Variants in ZNF343 observed in about 807,000 individuals in gnomAD.
The protein encoded by ZNF343 is zinc finger protein 343.
In ZNF343, 11 loss-of-function variants were observed where a neutral mutation model predicts 13.8. That is an observed-to-expected ratio of 0.80 (90% CI 0.50 to 1.32). The LOEUF is 1.32. Among genes scored for constraint, ZNF343 ranks in the 40% most tolerant of loss-of-function variants. The pLI is 0.00. For synonymous variants in ZNF343, 248 were observed against 260.0 expected, an observed-to-expected ratio of 0.95 and a Z score of 0.44; for missense variants, 658 against 714.2, an observed-to-expected ratio of 0.92 and a Z score of 0.90.
chr20:2,522,230 A>T (rs1274962985), intron 1 of ZNF343, among the ~76,000 whole-genome samples: 1 of 152,214 alleles, frequency 6.6e-6, no homozygotes, highest in African/African-American at 2.4e-5. Context: ...AATTCCACAT[A>T]ACAAGTTAGG....
chr20:2,491,141 T>A (rs964066249), intron 5 of ZNF343, among the ~76,000 whole-genome samples: 1 of 152,182 alleles, frequency 6.6e-6, no homozygotes, highest in Non-Finnish European at 1.5e-5. Flanking sequence ...TCTAGAAACA[T>A]AGGAATATCT....
At chr20:2,515,225 T>G (rs6114726) in intron 1 of ZNF343, among the ~76,000 whole-genome samples, 76,109 of 151,978 alleles carry the variant, frequency 0.5, 20,284 homozygotes, top group African/African-American at 0.69. Context: ...AACCAGGTGA[T>G]AAAGACACCT....
chr20:2,494,074 C>T (rs2085418050), intron 2 of ZNF343, 30 bp from the exon 3 acceptor site: 3 of 598,766 alleles, frequency 5.0e-6, no homozygotes, highest in Non-Finnish European at 8.9e-6. Context: ...TTTGCTATTG[C>T]TGGGGCTTTT....
Position 2,483,102 on chromosome 20 carries a change from G to C in ZNF343, c.*59C>G. On this transcript the variant is annotated 3_prime_UTR_variant, in exon 6 of 6. Transcript: ENST00000278772. ...CCCATGTGTCTCTCTGGGGTAACAT[G>C]AGGCTTGACTGGTCACTCAGGTCTT... 1 of 1,539,212 alleles carries C rather than the reference G, an allele frequency of 6.5e-7. No homozygotes were observed. The highest frequency in any genetic ancestry group is 8.8e-7 in the Non-Finnish European group (1 of 1,142,184).
At chr20:2,501,580 A>C (rs1203979434) in intron 1 of ZNF343, among the ~76,000 whole-genome samples, 3 of 152,190 alleles carry the variant, frequency 2.0e-5, no homozygotes, top group African/African-American at 7.2e-5. Context: ...GCAGACTGAC[A>C]CCTCACATGG....
Position 2,508,384 on chromosome 20 carries a change from C to CA in ZNF343, c.-237+496dup, listed in dbSNP as rs1037832645. On this transcript the variant is annotated intron_variant, in intron 1 of 5. Transcript: ENST00000278772. This position sits in a 1 kb window ranked among gnomAD's most constrained non-coding sequence, Gnocchi z 4.5. ...CACTCGGGACATATCCAGCCCCACC[C>CA]AAAAAACAGAAAAACTCGGTGATGC... Among the ~76,000 whole-genome samples the CA allele has an allele frequency of 4.6e-5, 7 of 152,054 alleles. No homozygotes were observed. Among genetic ancestry groups the CA allele is most frequent in the Admixed American group, 3.3e-4 (5 of 15,274 alleles).
intron 1 of ZNF343, among the ~76,000 whole-genome samples, chr20:2,521,938 C>T (rs2085784365): frequency 6.6e-6 from 1 of 152,206 alleles, no homozygotes; most frequent in Non-Finnish European, 1.5e-5. Flanking sequence ...GAATGCGTTT[C>T]TCAGCTTCTT....
upstream of ZNF343, among the ~76,000 whole-genome samples, chr20:2,510,160 C>G (rs909337303): frequency 1.8e-4 from 27 of 151,646 alleles, no homozygotes; most frequent in Non-Finnish European, 1.0e-4. Context: ...GATGGCTACT[C>G]CAATTACCAG....
At position 2,520,478 on chromosome 20, in the gene ZNF343, A is replaced by G. The variant is rs530977742; in HGVS notation, c.-347+3977T>C. On this transcript the variant is annotated intron_variant, in intron 1 of 6. Coordinates refer to the ZNF343 transcript ENST00000358413. ...CAAGACCCCGTCTCTATTAAAAAGA[A>G]ATAATTTTTTAAATTAAAATATGTG... is the stretch of plus-strand genomic sequence containing the variant. Among the ~76,000 whole-genome samples, 5 of 152,326 alleles carry G rather than the reference A, an allele frequency of 3.3e-5. No individual in the cohort carries two copies. The South Asian group carries it at 1.0e-3, about 32-fold the overall frequency.
Position 2,504,826 on chromosome 20 carries a change from C to A in ZNF343, c.-237+4055G>T, listed in dbSNP as rs542150529. Reference sequence around the variant, plus strand: ...TCAAAATAATAAGAGCTATCAATGACAAACCCACAGCCAATATCATACTGA... The same window carrying A: ...TCAAAATAATAAGAGCTATCAATGAAAAACCCACAGCCAATATCATACTGA... On this transcript the variant is annotated intron_variant, in intron 1 of 5. Coordinates refer to ENST00000278772, the MANE Select transcript of ZNF343 (RefSeq NM_024325.6). Among the ~76,000 whole-genome samples the A allele has an allele frequency of 5.9e-5, 9 of 152,270 alleles. No individual in the cohort carries two copies. In the East Asian group the frequency reaches 1.7e-3, roughly 29 times the overall value.
At position 2,518,282 on chromosome 20, in the gene ZNF343, G is replaced by A. The variant is rs1433720903; in HGVS notation, c.-347+6173C>T. Among the ~76,000 whole-genome samples the A allele has an allele frequency of 6.6e-6, 1 of 152,172 alleles. No homozygotes were observed. Among genetic ancestry groups the A allele is most frequent in the Non-Finnish European group, 1.5e-5 (1 of 68,034 alleles). On this transcript the variant is annotated intron_variant, in intron 1 of 6. Transcript: ENST00000358413. The surrounding 1 kb of genome is among the most constrained non-coding windows in gnomAD (Gnocchi z 4.6). ...TTTGCCGACCTTGGCCTCCCAGAGT[G>A]TTAGAATTACAGGCGTGAGCCACCG... is the stretch of plus-strand genomic sequence containing the variant.
At chr20:2,494,066 T>C (rs1053428909) in intron 2 of ZNF343, 22 bp from the exon 3 acceptor site, 2 of 607,746 alleles carry the variant, frequency 3.3e-6, no homozygotes, top group South Asian at 1.9e-5. Flanking sequence ...AGAAGCAATT[T>C]GCTATTGCTG....
chr20:2,507,290 G>C (rs2085678501), intron 1 of ZNF343, among the ~76,000 whole-genome samples: 1 of 149,712 alleles, frequency 6.7e-6, no homozygotes, highest in Middle Eastern at 3.2e-3. Context: ...AAAAAGAGCA[G>C]GCCTCCTTTT....
upstream of ZNF343, among the ~76,000 whole-genome samples, chr20:2,512,558 T>TG (rs1460672430): frequency 1.3e-5 from 2 of 152,130 alleles, no homozygotes; most frequent in Non-Finnish European, 2.9e-5. Context: ...GACCATTTAA[T>TG]GGGGAAAGAA....
At position 2,518,624 on chromosome 20, in the gene ZNF343, C is replaced by A. The variant is rs559108783; in HGVS notation, c.-347+5831G>T. 1.3e-5 allele frequency among the ~76,000 whole-genome samples: 2 copies of A among 152,288 alleles called. No individual in the cohort carries two copies. Among genetic ancestry groups the A allele is most frequent in the African/African-American group, 4.8e-5 (2 of 41,538 alleles). The stretch of plus-strand genomic sequence containing the variant: ...TACAACCCTCCCTTACAGACACTAC[C>A]TTCCAACATACCACATGCTCTCAGC... On this transcript the variant is annotated intron_variant, in intron 1 of 6. Coordinates refer to the ZNF343 transcript ENST00000358413. The surrounding 1 kb of genome is among the most constrained non-coding windows in gnomAD (Gnocchi z 4.6).
At chr20:2,492,913 G>T in intron 4 of ZNF343, 88 bp from the exon 5 acceptor site, 1 of 1,559,232 alleles carries the variant, frequency 6.4e-7, no homozygotes, top group Non-Finnish European at 8.7e-7. Flanking sequence ...GGAGAGCCTG[G>T]ATATGCAAGT....
chr20:2,523,473 A>G (rs1056254614), intron 1 of ZNF343, among the ~76,000 whole-genome samples: 3 of 146,932 alleles, frequency 2.0e-5, no homozygotes, highest in Non-Finnish European at 3.0e-5. Flanking sequence ...TTTTTTTTAC[A>G]TTCAGAATTT....
rs771433942 is a variant in ZNF343 at position 2,493,732 on chromosome 20, G to C, written c.118+46C>G. 2.0e-6 allele frequency: 3 copies of C among 1,529,838 alleles called. No homozygotes were observed. The Admixed American group carries it at 5.0e-5, about 26-fold the overall frequency. The allele number at this position is 1,529,838 out of a possible 1,614,324, so 94.8% of individuals were successfully genotyped here. A position where few individuals can be genotyped will look rare whatever the true frequency, so the allele number is the denominator to read the frequency against. ...TGAAGCATTTTCAGGTGAACCTGGAGCCTTGGCTTCCTCTTCATCCCTCCG... is the reference window on the plus strand; with the variant it reads ...TGAAGCATTTTCAGGTGAACCTGGACCCTTGGCTTCCTCTTCATCCCTCCG... On this transcript the variant is annotated intron_variant, in intron 3 of 5. Transcript: ENST00000278772.
intron 1 of ZNF343, among the ~76,000 whole-genome samples, chr20:2,516,170 G>A (rs555487720): frequency 6.6e-6 from 1 of 152,212 alleles, no homozygotes; most frequent in African/African-American, 2.4e-5. Flanking sequence ...GAATCAAGGT[G>A]AGGATGAGAG....
Sources: allele counts gnomAD v4.1 joint callset (sites outside exome capture counted in the v4.1 genomes callset), GRCh38; gene constraint gnomAD v4.1.1; non-coding constraint Gnocchi (gnomAD v3.1); transcripts MANE v1.5; gene names NCBI Gene and HGNC (gene_info 2026-07-23, HGNC 2026-07-21).